IPPK: variants seen among roughly 807,000 people sequenced by gnomAD.
The protein encoded by IPPK is inositol-pentakisphosphate 2-kinase.
Under a neutral mutation model 64.6 loss-of-function variants are expected in IPPK, and 22 were observed. The ratio of observed to expected loss-of-function variants is 0.34; its 90% CI spans 0.24 to 0.49. The LOEUF is 0.49. Ranked by LOEUF, IPPK falls within the 20% of genes least tolerant of loss-of-function variation. The probability of loss-of-function intolerance (pLI) is 0.99; values close to 1 mark genes in which losing one functional copy is unlikely to be tolerated. For synonymous variants in IPPK, 262 were observed against 247.2 expected, an observed-to-expected ratio of 1.06 and a Z score of -0.56; for missense variants, 532 against 630.7, an observed-to-expected ratio of 0.84 and a Z score of 1.68.
At chr9:92,654,116 C>T (rs12236013) in intron 3 of IPPK, among the ~76,000 whole-genome samples, 27,514 of 152,208 alleles carry the variant, frequency 0.18, 3,717 homozygotes, top group East Asian at 0.73. Flanking sequence ...TCTGCCCATG[C>T]ATGGCCTGAA....
intron 4 of IPPK, among the ~76,000 whole-genome samples, chr9:92,651,653 T>G (rs1464646141): frequency 6.6e-6 from 1 of 152,240 alleles, no homozygotes; most frequent in South Asian, 2.1e-4. Flanking sequence ...TTCCTAAGTC[T>G]GCCCCAGACC....
At chr9:92,643,179 A>G (rs1334255464) in intron 6 of IPPK, among the ~76,000 whole-genome samples, 1 of 152,268 alleles carries the variant, frequency 6.6e-6, no homozygotes, top group African/African-American at 2.4e-5. Context: ...CCTTAACAAG[A>G]AATTTCATAT....
intron 7 of IPPK, among the ~76,000 whole-genome samples, chr9:92,641,268 G>A (rs965825430): frequency 5.9e-5 from 9 of 152,278 alleles, no homozygotes; most frequent in African/African-American, 1.4e-4. Context: ...TCCAAGCGAC[G>A]AGCTGCAAGG....
chr9:92,628,020 C>G (rs776569043), intron 11 of IPPK, among the ~76,000 whole-genome samples: 7 of 152,092 alleles, frequency 4.6e-5, no homozygotes, highest in Admixed American at 2.0e-4. Flanking sequence ...TATACAAAAT[C>G]AAATTGTATT....
chr9:92,655,556 T>TA (rs1852356073), intron 3 of IPPK, among the ~76,000 whole-genome samples: 1 of 152,238 alleles, frequency 6.6e-6, no homozygotes, highest in Non-Finnish European at 1.5e-5. Context: ...GAGCAGTCCC[T>TA]AACGCTCACC....
At chr9:92,654,090 A>G (rs1852322582) in intron 3 of IPPK, among the ~76,000 whole-genome samples, 1 of 152,016 alleles carries the variant, frequency 6.6e-6, no homozygotes, top group African/African-American at 2.4e-5. Flanking sequence ...CAGGGCAACG[A>G]CCCTCCACAC....
At position 92,658,213 on chromosome 9, in the gene IPPK, G is replaced by A. The variant is rs926798199; in HGVS notation, c.129+421C>T. Among the ~76,000 whole-genome samples, 5 of 152,164 alleles carry A rather than the reference G, an allele frequency of 3.3e-5. No individual in the cohort carries two copies. In the East Asian group the frequency reaches 7.7e-4, roughly 23 times the overall value. ...ATGACTCAGAGAAGAGAAACCTAAC[G>A]ACCCCCTCCCACCACAATGTTTAAC... On this transcript the variant is annotated intron_variant, in intron 2 of 12. Transcript: ENST00000287996.
intron 9 of IPPK, among the ~76,000 whole-genome samples, chr9:92,637,225 G>A (rs1312404774): frequency 6.6e-6 from 1 of 152,182 alleles, no homozygotes; most frequent in East Asian, 1.9e-4. Context: ...AAAATCACCT[G>A]AACCTAGGAG....
chr9:92,615,775 C>T lies in IPPK; in HGVS notation c.*57G>A, dbSNP rs1411968303. The T allele has an allele frequency of 1.4e-6, 2 of 1,383,748 alleles. No homozygotes were observed. Among genetic ancestry groups the T allele is most frequent in the African/African-American group, 1.4e-5 (1 of 70,402 alleles). 85.7% of individuals were successfully genotyped at this position (1,383,748 alleles called of 1,614,324 possible). ...GGTCACCCAACACAACAGAAAATAT[C>T]TCTATCATTCAGCCTTCACATTATG... is the stretch of plus-strand genomic sequence containing the variant. On this transcript the variant is annotated 3_prime_UTR_variant, in exon 13 of 13. Coordinates refer to ENST00000287996, the MANE Select transcript of IPPK (RefSeq NM_022755.6).
In IPPK at chr9:92,645,610, G is replaced by A. The variant is rs1852136198; in HGVS notation, c.504+2449C>T. Among the ~76,000 whole-genome samples the A allele has an allele frequency of 2.6e-5, 4 of 151,936 alleles. No homozygotes were observed. The South Asian group carries it at 8.3e-4, about 32-fold the overall frequency. On this transcript the variant is annotated intron_variant, in intron 6 of 12. Transcript: ENST00000287996. ...AATCTTAAAAAGCAAAAAGAGAGAAGTGGCTCATCCCATACAAAGCACCTT... is the reference window on the plus strand; with the variant it reads ...AATCTTAAAAAGCAAAAAGAGAGAAATGGCTCATCCCATACAAAGCACCTT...
chr9:92,626,533 CAA>C (rs1381972098), intron 11 of IPPK, among the ~76,000 whole-genome samples: 3 of 151,792 alleles, frequency 2.0e-5, no homozygotes, highest in Non-Finnish European at 4.4e-5. Context: ...CACAAGGAGA[CAA>C]AGATATGAAA....
rs555267576 is a variant in IPPK at position 92,618,119 on chromosome 9, C to T, written c.1250+1367G>A. 202 of 412,090 alleles carry T rather than the reference C, an allele frequency of 4.9e-4. 1 individual carries two copies. The highest frequency in any genetic ancestry group is 2.6e-3 in the South Asian group (150 of 58,720). The allele number at this position is 412,090 out of a possible 1,614,324, so 25.5% of individuals were successfully genotyped here. A position where few individuals can be genotyped will look rare whatever the true frequency, so the allele number is the denominator to read the frequency against. ...TGGAACTTCACAGGTGCGGCCACTG[C>T]GCACACCTTCCTGGAAGCAGGCCCA... On this transcript the variant is annotated intron_variant, in intron 12 of 12. Coordinates refer to ENST00000287996, the MANE Select transcript of IPPK (RefSeq NM_022755.6).
rs2296670 is a variant in IPPK, at chr9:92,619,639, T to C, written c.1171-74A>G. 5.8e-3 allele frequency: 7,550 copies of C among 1,311,732 alleles called. 449 individuals are homozygous for C. In the East Asian group the frequency reaches 0.13, roughly 23 times the overall value. 81.3% of individuals were successfully genotyped at this position (1,311,732 alleles called of 1,614,324 possible). On this transcript the variant is annotated intron_variant, in intron 11 of 12. Coordinates refer to ENST00000287996, the MANE Select transcript of IPPK (RefSeq NM_022755.6). ...CCCCCCACACAACCTTCCTTCCCAG[T>C]AGCCAAGTGTGGGAACTGCTTCCTG...
chr9:92,638,693 A>C (rs1458234418), intron 8 of IPPK, among the ~76,000 whole-genome samples: 1 of 152,258 alleles, frequency 6.6e-6, no homozygotes, highest in Non-Finnish European at 1.5e-5. Context: ...GATGGCAGTC[A>C]GCACCAGCAC....
intron 4 of IPPK, among the ~76,000 whole-genome samples, chr9:92,652,228 T>C (rs1852280562): frequency 6.6e-6 from 1 of 151,946 alleles, no homozygotes. Context: ...GGTGGGTGGA[T>C]CACGAGGTCA....
chr9:92,645,552 A>T (rs1011275094), intron 6 of IPPK, among the ~76,000 whole-genome samples: 1 of 152,244 alleles, frequency 6.6e-6, no homozygotes, highest in Admixed American at 6.5e-5. Flanking sequence ...GACACACCAT[A>T]ATCAAACTGT....
In IPPK at chr9:92,642,766, A is replaced by T; in HGVS notation, c.549T>A (p.Leu183=). 1 of 1,613,910 alleles carries T rather than the reference A, an allele frequency of 6.2e-7. No homozygotes were observed. The highest frequency in any genetic ancestry group is 8.5e-7 in the Non-Finnish European group (1 of 1,179,778). The change falls in exon 7 of 13, where the codon CTT becomes CTA. Residue 183 remains leucine (L), a synonymous_variant. Coordinates refer to ENST00000287996, the MANE Select transcript of IPPK (RefSeq NM_022755.6). ...TGTTCTCTTACCCTGAGTAGAGATC[A>T]AGGGGACAGTATTTGCTGATCTGCT... is the stretch of plus-strand genomic sequence containing the variant. ...KWKQISKYCP[L]DLYSGNKQRM...
intron 9 of IPPK, among the ~76,000 whole-genome samples, chr9:92,636,462 C>T (rs1369992740): frequency 1.3e-5 from 2 of 151,608 alleles, no homozygotes; most frequent in African/African-American, 2.4e-5. Context: ...CATGGAGAAA[C>T]CCCATCTCTA....
intron 8 of IPPK, among the ~76,000 whole-genome samples, chr9:92,639,851 T>C (rs1262325564): frequency 1.3e-5 from 2 of 152,122 alleles, no homozygotes; most frequent in Non-Finnish European, 2.9e-5. Flanking sequence ...GCCAGCGCCA[T>C]GGGTTTCTAA....
Sources: gnomAD v4.1 joint callset for allele counts (sites outside exome capture counted in the v4.1 genomes callset) on GRCh38, gnomAD v4.1.1 for gene constraint, MANE v1.5 for transcripts, NCBI Gene and HGNC (gene_info 2026-07-23, HGNC 2026-07-21) for gene names.